The following WWOX variants were observed in gnomAD, a reference collection of about 807,000 sequenced individuals.
The protein encoded by WWOX is WW domain containing oxidoreductase.
A neutral mutation model predicts 46.2 loss-of-function variants in WWOX; 69 were observed. The observed-to-expected ratio is 1.49, with a 90% CI of 1.23 to 1.82. WWOX has a LOEUF of 1.82. Among genes scored for constraint, WWOX ranks in the 40% most tolerant of loss-of-function variants. The pLI is 0.00. For missense variants in WWOX, 919 were observed against 542.6 expected (o/e 1.69, Z -6.89); for synonymous variants, 359 against 202.6 (o/e 1.77, Z -6.56).
chr16:78,310,326 T>G (rs1311023685), intron 5 of WWOX, among the ~76,000 whole-genome samples: 1 of 152,234 alleles, frequency 6.6e-6, no homozygotes, highest in Non-Finnish European at 1.5e-5. Flanking sequence ...GGCCAGTGTT[T>G]GGCATGTGCT....
At chr16:78,449,624 T>G (rs2083642979) in intron 8 of WWOX, among the ~76,000 whole-genome samples, 1 of 152,194 alleles carries the variant, frequency 6.6e-6, no homozygotes, top group African/African-American at 2.4e-5. Context: ...TTTTCTTCCC[T>G]CTTTCTGGAC....
At chr16:78,929,759 A>C (rs2045578026) in intron 8 of WWOX, among the ~76,000 whole-genome samples, 1 of 152,138 alleles carries the variant, frequency 6.6e-6, no homozygotes, top group Non-Finnish European at 1.5e-5. Flanking sequence ...GAGGTTGCAG[A>C]GGGTCAGTCC....
intron 8 of WWOX, among the ~76,000 whole-genome samples, chr16:78,511,825 A>T (rs1246645424): frequency 6.6e-6 from 1 of 152,174 alleles, no homozygotes; most frequent in Non-Finnish European, 1.5e-5. Context: ...CTTTTGTCAG[A>T]AGGGTCTGCT....
intron 8 of WWOX, among the ~76,000 whole-genome samples, chr16:78,729,966 T>C (rs1247525074): frequency 2.0e-5 from 3 of 152,152 alleles, no homozygotes; most frequent in Non-Finnish European, 2.9e-5. Flanking sequence ...GGTCATAGTT[T>C]CCTCATCCCT....
At chr16:78,864,655 T>C (rs968939727) in intron 8 of WWOX, among the ~76,000 whole-genome samples, 4 of 151,936 alleles carry the variant, frequency 2.6e-5, no homozygotes, top group African/African-American at 9.7e-5. Flanking sequence ...TGGGCCCAGC[T>C]CTGAGATTCC....
At chr16:78,514,451 G>A (rs1394610284) in intron 8 of WWOX, among the ~76,000 whole-genome samples, 1 of 152,144 alleles carries the variant, frequency 6.6e-6, no homozygotes, top group African/African-American at 2.4e-5. Context: ...TCCATGTGTG[G>A]AGGTAAAAGC....
At chr16:78,324,161 G>C (rs1280069551) in intron 5 of WWOX, among the ~76,000 whole-genome samples, 3 of 152,048 alleles carry the variant, frequency 2.0e-5, no homozygotes, top group Non-Finnish European at 4.4e-5. Context: ...TTGTCATTCA[G>C]GTCATGCTGC....
At chr16:78,497,529 A>T (rs1425384126) in intron 8 of WWOX, among the ~76,000 whole-genome samples, 1 of 66,158 alleles carries the variant, frequency 1.5e-5, no homozygotes, top group Non-Finnish European at 4.9e-5. Context: ...GTGAAGCAGC[A>T]TCCTACAGAA....
intron 5 of WWOX, among the ~76,000 whole-genome samples, chr16:78,296,929 T>C (rs2151864279): frequency 6.7e-6 from 1 of 148,534 alleles, no homozygotes. Context: ...GAGCAATTCA[T>C]TTTTTTTGGA....
At chr16:79,013,621 G>A (rs2047356261) in intron 8 of WWOX, among the ~76,000 whole-genome samples, 1 of 152,118 alleles carries the variant, frequency 6.6e-6, no homozygotes, top group Non-Finnish European at 1.5e-5. Context: ...GTTAGGTCCT[G>A]TGCTGCCTGG....
At chr16:78,481,325 T>C (rs577072877) in intron 8 of WWOX, among the ~76,000 whole-genome samples, 1 of 152,302 alleles carries the variant, frequency 6.6e-6, no homozygotes, top group African/African-American at 2.4e-5. Flanking sequence ...CTGTCTCTCT[T>C]GGTTTTCAGT....
At chr16:79,058,082 CCAGAGT>C (rs1393644949) in intron 8 of WWOX, among the ~76,000 whole-genome samples, 3 of 148,852 alleles carry the variant, frequency 2.0e-5, no homozygotes, top group African/African-American at 7.6e-5. Flanking sequence ...GTGAGCTTAG[CCAGAGT>C]AGGAGATATA....
intron 5 of WWOX, among the ~76,000 whole-genome samples, chr16:78,177,229 G>C (rs1227619160): frequency 1.3e-5 from 2 of 152,122 alleles, no homozygotes; most frequent in African/African-American, 4.8e-5. Flanking sequence ...TTACCAAGTA[G>C]CTCCCAAATT....
chr16:78,999,343 G>A (rs2047050158), intron 8 of WWOX, among the ~76,000 whole-genome samples: 2 of 151,962 alleles, frequency 1.3e-5, no homozygotes, highest in African/African-American at 2.4e-5. Context: ...AGTGGCACAT[G>A]CCTGTAATCC....
At chr16:78,991,465 G>T (rs188662788) in intron 8 of WWOX, among the ~76,000 whole-genome samples, 33 of 152,152 alleles carry the variant, frequency 2.2e-4, no homozygotes, top group Middle Eastern at 3.4e-3. Flanking sequence ...GCTGGGTGTG[G>T]TGGTGCACAC....
chr16:79,110,038 G>A (rs2049386962), intron 8 of WWOX, among the ~76,000 whole-genome samples: 1 of 152,168 alleles, frequency 6.6e-6, no homozygotes, highest in African/African-American at 2.4e-5. Context: ...TTGCTAGCCT[G>A]GTAGATATTG....
intron 4 of WWOX, among the ~76,000 whole-genome samples, chr16:78,126,134 G>T (rs2033350982): frequency 6.6e-6 from 1 of 152,154 alleles, no homozygotes; most frequent in Admixed American, 6.5e-5. Flanking sequence ...CCATTATGTG[G>T]TTCCAGCTCT....
chr16:78,213,187 G>C (rs2036612385), intron 5 of WWOX, among the ~76,000 whole-genome samples: 1 of 150,212 alleles, frequency 6.7e-6, no homozygotes, highest in Non-Finnish European at 1.5e-5. Flanking sequence ...GGAGGCAGAG[G>C]CTGCAGAGAG....
At chr16:78,845,251 A>T (rs1235560331) in intron 8 of WWOX, among the ~76,000 whole-genome samples, 3 of 151,950 alleles carry the variant, frequency 2.0e-5, no homozygotes, top group African/African-American at 7.3e-5. Context: ...TTGTGGCTCA[A>T]AATGAAACTT....
Sources: allele counts gnomAD v4.1 joint callset (sites outside exome capture counted in the v4.1 genomes callset), GRCh38; gene constraint gnomAD v4.1.1; transcripts MANE v1.5; gene names NCBI Gene and HGNC (gene_info 2026-07-23, HGNC 2026-07-21).